Variants in SCHIP1 observed in about 807,000 individuals in gnomAD.
SCHIP1 encodes the protein schwannomin-interacting protein 1.
In SCHIP1, 8 loss-of-function variants were observed where a neutral mutation model predicts 29.7. The ratio of observed to expected loss-of-function variants is 0.27; its 90% CI spans 0.16 to 0.49. The LOEUF (loss-of-function observed/expected upper bound fraction) is 0.49. SCHIP1 is among the 20% of genes least tolerant of loss of function. The pLI, the probability that SCHIP1 is intolerant of heterozygous loss-of-function variation, is 0.99. For synonymous variants in SCHIP1, 76 were observed against 94.9 expected, an observed-to-expected ratio of 0.80 and a Z score of 1.16; for missense variants, 193 against 294.6, an observed-to-expected ratio of 0.66 and a Z score of 2.52.
At chr3:159,420,751 G>C in the SCHIP1 span, among the ~76,000 whole-genome samples, 1 of 152,108 alleles carries the variant, frequency 6.6e-6, no homozygotes, top group African/African-American at 2.4e-5. Flanking sequence ...AAATGTAATT[G>C]GTTCAATTTC....
chr3:159,692,717 T>G, the SCHIP1 span, among the ~76,000 whole-genome samples: 1 of 152,188 alleles, frequency 6.6e-6, no homozygotes, highest in Non-Finnish European at 1.5e-5. Flanking sequence ...CTGTTCTGTT[T>G]GTATTTCTCT....
chr3:159,868,839 C>A (rs1420189132), intron 2 of SCHIP1, among the ~76,000 whole-genome samples: 1 of 152,044 alleles, frequency 6.6e-6, no homozygotes, highest in Non-Finnish European at 1.5e-5. Context: ...TAGGAAAATA[C>A]ATGATTGTTT....
chr3:159,682,887 G>A, the SCHIP1 span, among the ~76,000 whole-genome samples: 16 of 152,116 alleles, frequency 1.1e-4, no homozygotes, highest in East Asian at 1.9e-4. Context: ...ACTTTTAACC[G>A]TGACCTTGAT....
At chr3:159,395,666 T>C in the SCHIP1 span, among the ~76,000 whole-genome samples, 2 of 152,236 alleles carry the variant, frequency 1.3e-5, no homozygotes, top group African/African-American at 4.8e-5. Flanking sequence ...CTAGTTTGAT[T>C]GCACTGTGGT....
At chr3:159,316,714 A>C in the SCHIP1 span, among the ~76,000 whole-genome samples, 1 of 152,186 alleles carries the variant, frequency 6.6e-6, no homozygotes, top group African/African-American at 2.4e-5. Context: ...CTGGAAATGC[A>C]TCAATCCCAA....
At chr3:159,670,761 C>T in the SCHIP1 span, among the ~76,000 whole-genome samples, 1 of 152,000 alleles carries the variant, frequency 6.6e-6, no homozygotes, top group African/African-American at 2.4e-5. Context: ...ACTGAGCTTC[C>T]TCTCAAACAA....
the SCHIP1 span, among the ~76,000 whole-genome samples, chr3:159,397,149 C>G: frequency 1.9e-4 from 29 of 151,668 alleles, 1 homozygote; most frequent in South Asian, 5.8e-3. Flanking sequence ...ACGTAGTTCT[C>G]GAGCCTTGGT....
chr3:159,680,368 G>A, the SCHIP1 span, among the ~76,000 whole-genome samples: 1 of 149,424 alleles, frequency 6.7e-6, no homozygotes, highest in African/African-American at 2.5e-5. Context: ...AATTAGCTGG[G>A]TGTGGCGGGG....
the SCHIP1 span, among the ~76,000 whole-genome samples, chr3:159,405,315 A>G: frequency 2.0e-5 from 3 of 152,230 alleles, no homozygotes; most frequent in Admixed American, 6.5e-5. Context: ...CCAGGGACCA[A>G]TCCTGGAGAG....
chr3:159,417,675 T>C, the SCHIP1 span, among the ~76,000 whole-genome samples: 1 of 152,326 alleles, frequency 6.6e-6, no homozygotes, highest in East Asian at 1.9e-4. Flanking sequence ...CACTCCTTCC[T>C]GTAACTTTGC....
At chr3:159,316,267 G>A in the SCHIP1 span, among the ~76,000 whole-genome samples, 3 of 152,152 alleles carry the variant, frequency 2.0e-5, no homozygotes, top group African/African-American at 7.2e-5. Context: ...CTGTCTGCAA[G>A]CTGAGGAGCA....
At chr3:159,690,885 T>C in the SCHIP1 span, among the ~76,000 whole-genome samples, 4 of 152,208 alleles carry the variant, frequency 2.6e-5, no homozygotes, top group African/African-American at 9.6e-5. Flanking sequence ...GGTTGTTAAG[T>C]TTCCATTTAG....
the SCHIP1 span, among the ~76,000 whole-genome samples, chr3:159,413,037 GTCCTT>G: frequency 6.6e-6 from 1 of 152,198 alleles, no homozygotes; most frequent in African/African-American, 2.4e-5. Context: ...AAGCAAACAT[GTCCTT>G]CTTCCCATGG....
At chr3:159,456,611 A>C in the SCHIP1 span, among the ~76,000 whole-genome samples, 1 of 152,282 alleles carries the variant, frequency 6.6e-6, no homozygotes, top group East Asian at 1.9e-4. Context: ...GGGGGACAGA[A>C]GGAAGAGGGC....
chr3:159,864,227 C>T (rs1256584979), intron 1 of SCHIP1, among the ~76,000 whole-genome samples: 1 of 152,102 alleles, frequency 6.6e-6, no homozygotes, highest in Non-Finnish European at 1.5e-5. Flanking sequence ...TGGACCATCC[C>T]AAGTGCCAGC....
At chr3:159,774,664 A>G in the SCHIP1 span, among the ~76,000 whole-genome samples, 1 of 152,224 alleles carries the variant, frequency 6.6e-6, no homozygotes, top group African/African-American at 2.4e-5. Flanking sequence ...GATCCCAACC[A>G]GTGTTTTGTT....
the SCHIP1 span, among the ~76,000 whole-genome samples, chr3:159,692,013 CTTTTTTTT>C: frequency 1.1e-5 from 1 of 90,948 alleles, no homozygotes; most frequent in Admixed American, 1.2e-4. Flanking sequence ...CCCGACCTTT[CTTTTTTTT>C]TTTTTTTTTT....
intron 2 of SCHIP1, among the ~76,000 whole-genome samples, chr3:159,883,024 C>G (rs1261086365): frequency 6.6e-6 from 1 of 152,192 alleles, no homozygotes; most frequent in Non-Finnish European, 1.5e-5. Flanking sequence ...CCCTGGTGCT[C>G]CCTGCCAGTA....
At chr3:159,862,571 G>A (rs1714174581) in intron 1 of SCHIP1, among the ~76,000 whole-genome samples, 1 of 152,174 alleles carries the variant, frequency 6.6e-6, no homozygotes, top group African/African-American at 2.4e-5. Context: ...GCCACTGACA[G>A]CATGACAGAT....
Sources: gnomAD v4.1 joint callset for allele counts (sites outside exome capture counted in the v4.1 genomes callset) on GRCh38, gnomAD v4.1.1 for gene constraint, MANE v1.5 for transcripts, NCBI Gene and HGNC (gene_info 2026-07-23, HGNC 2026-07-21) for gene names.